Variants in RSAD2 observed in about 807,000 individuals in gnomAD.
The protein encoded by RSAD2 is S-adenosylmethionine-dependent nucleotide dehydratase RSAD2.
A neutral mutation model predicts 37.7 loss-of-function variants in RSAD2; 38 were observed. The observed-to-expected ratio is 1.01, with a 90% CI of 0.78 to 1.32. RSAD2 has a LOEUF of 1.32. Among genes scored for constraint, RSAD2 ranks in the 40% most tolerant of loss-of-function variants. RSAD2 has a pLI of 0.00. For missense variants in RSAD2, 428 were observed against 437.5 expected, an observed-to-expected ratio of 0.98 and a Z score of 0.19; for synonymous variants, 163 against 157.4, an observed-to-expected ratio of 1.04 and a Z score of -0.27.
At chr2:6,884,106 T>C (rs996325882) in intron 2 of RSAD2, among the ~76,000 whole-genome samples, 1 of 152,264 alleles carries the variant, frequency 6.6e-6, no homozygotes, top group Non-Finnish European at 1.5e-5. Context: ...TTATATGGAC[T>C]GTCATGTTGG....
chr2:6,889,946 T>C (rs1040482091), intron 3 of RSAD2, among the ~76,000 whole-genome samples: 4 of 152,236 alleles, frequency 2.6e-5, no homozygotes, highest in Admixed American at 1.3e-4. Context: ...AAACATAATC[T>C]AGACAAGTTT....
intron 1 of RSAD2, chr2:6,878,908 CA>C: frequency 9.4e-7 from 1 of 1,061,396 alleles, no homozygotes; most frequent in South Asian, 1.3e-5. Context: ...ATACATGCAC[CA>C]GATTACACAT....
chr2:6,898,080 A>G lies in RSAD2; in HGVS notation c.*2138A>G, dbSNP rs1382051710. On this transcript the variant is annotated 3_prime_UTR_variant, in exon 6 of 6. Transcript: ENST00000382040. ...CCAAGGACACTGTTTGATATACAGC[A>G]GGTATTCAATCAGTGTTATTTGAAA... 2 of 151,964 alleles carry G rather than the reference A, an allele frequency of 1.3e-5. No homozygotes were observed. The highest frequency in any genetic ancestry group is 4.8e-5 in the African/African-American group (2 of 41,372). 9.4% of individuals were successfully genotyped at this position (151,964 alleles called of 1,614,324 possible). A position where few individuals can be genotyped will look rare whatever the true frequency, so the allele number is the denominator to read the frequency against.
intron 1 of RSAD2, 74 bp downstream of exon 1, chr2:6,878,220 G>A: frequency 7.8e-7 from 1 of 1,274,802 alleles, no homozygotes; most frequent in Non-Finnish European, 1.1e-6. Context: ...AAGGGGCTGG[G>A]GGTATGCACA....
chr2:6,889,607 C>G (rs1008946713), intron 3 of RSAD2, among the ~76,000 whole-genome samples: 2 of 152,114 alleles, frequency 1.3e-5, no homozygotes, highest in Admixed American at 6.6e-5. Context: ...CTTGCCTTTT[C>G]TAGGACTGAC....
At chr2:6,878,210 A>T (rs2103239556) in intron 1 of RSAD2, 64 bp downstream of exon 1, 1 of 1,409,118 alleles carries the variant, frequency 7.1e-7, no homozygotes, top group South Asian at 1.3e-5. Context: ...GTAAGGCGAG[A>T]AGGGGCTGGG....
chr2:6,878,884 A>G, intron 1 of RSAD2: 1 of 1,202,708 alleles, frequency 8.3e-7, no homozygotes, highest in African/African-American at 1.6e-5. Flanking sequence ...TTAACTTTTT[A>G]ACAAAAGCAT....
At position 6,897,665 on chromosome 2, in the gene RSAD2, C is replaced by G. The variant is rs926564573; in HGVS notation, c.*1723C>G. Reference sequence around the variant, plus strand: ...TAAGCTATGATGACCTTCATATAATCAGCATAAACATAAAACAAATTTTTT... The same window carrying G: ...TAAGCTATGATGACCTTCATATAATGAGCATAAACATAAAACAAATTTTTT... On this transcript the variant is annotated 3_prime_UTR_variant, in exon 6 of 6. Transcript: ENST00000382040. 4 of 152,114 alleles carry G rather than the reference C, an allele frequency of 2.6e-5. No individual in the cohort carries two copies. Among genetic ancestry groups the G allele is most frequent in the Admixed American group, 6.6e-5 (1 of 15,266 alleles). The allele number at this position is 152,114 out of a possible 1,614,324, so 9.4% of individuals were successfully genotyped here. A position where few individuals can be genotyped will look rare whatever the true frequency, so the allele number is the denominator to read the frequency against.
At chr2:6,885,815 T>C (rs1049693717) in intron 2 of RSAD2, among the ~76,000 whole-genome samples, 4 of 152,244 alleles carry the variant, frequency 2.6e-5, no homozygotes, top group East Asian at 1.9e-4. Flanking sequence ...GATCAGGTGC[T>C]CAGTTACTTG....
chr2:6,869,198 C>T (rs1269772289), intron 1 of RSAD2, among the ~76,000 whole-genome samples: 1 of 152,154 alleles, frequency 6.6e-6, no homozygotes, highest in African/African-American at 2.4e-5. Flanking sequence ...CTTATGGCTA[C>T]CCTCTCCAGA....
upstream of RSAD2, chr2:6,877,743 C>T (rs1382150002): frequency 7.5e-7 from 1 of 1,330,234 alleles, no homozygotes; most frequent in African/African-American, 1.5e-5. Context: ...GATTTCCATC[C>T]CTATATAAAG....
chr2:6,868,495 A>G (rs1199604835), intron 1 of RSAD2, among the ~76,000 whole-genome samples: 1 of 152,236 alleles, frequency 6.6e-6, no homozygotes, highest in East Asian at 1.9e-4. Context: ...ATAAGAATTA[A>G]TAAAATGAGC....
At chr2:6,865,974 G>T in exon 1 of RSAD2, 2 of 972,692 alleles carry the variant, frequency 2.1e-6, no homozygotes, top group Non-Finnish European at 1.4e-6. Context: ...GCGGCTCCGC[G>T]GGCCTGCGCG....
upstream of RSAD2, among the ~76,000 whole-genome samples, chr2:6,873,518 CTG>C (rs1663234038): frequency 6.6e-6 from 1 of 152,104 alleles, no homozygotes; most frequent in African/African-American, 2.4e-5. Flanking sequence ...AACTAAGAGT[CTG>C]TGTTTTGCTG....
At chr2:6,888,195 A>G (rs1398038021) in intron 3 of RSAD2, among the ~76,000 whole-genome samples, 1 of 152,108 alleles carries the variant, frequency 6.6e-6, no homozygotes, top group African/African-American at 2.4e-5. Context: ...TTCCAAATAG[A>G]GTTAGGGAAG....
upstream of RSAD2, among the ~76,000 whole-genome samples, chr2:6,876,547 C>T (rs1007509587): frequency 1.3e-5 from 2 of 152,190 alleles, no homozygotes; most frequent in Non-Finnish European, 2.9e-5. Context: ...TGTGCAAGAC[C>T]ATGGCATGAG....
intron 1 of RSAD2, among the ~76,000 whole-genome samples, chr2:6,869,324 C>G (rs1282014901): frequency 6.6e-6 from 1 of 152,072 alleles, no homozygotes; most frequent in Non-Finnish European, 1.5e-5. Context: ...TGTGAATTAT[C>G]AAGCATAAAG....
At chr2:6,888,261 G>A (rs1572158960) in intron 3 of RSAD2, among the ~76,000 whole-genome samples, 1 of 152,186 alleles carries the variant, frequency 6.6e-6, no homozygotes, top group East Asian at 1.9e-4. Flanking sequence ...TGTGGAAATG[G>A]GTTAGGGGAA....
intron 1 of RSAD2, among the ~76,000 whole-genome samples, chr2:6,868,476 G>A (rs1320630969): frequency 6.6e-6 from 1 of 152,112 alleles, no homozygotes; most frequent in South Asian, 2.1e-4. Context: ...TAAATGATGA[G>A]CTCAGAAAAT....
Sources: gnomAD v4.1 joint callset for allele counts (sites outside exome capture counted in the v4.1 genomes callset) on GRCh38, gnomAD v4.1.1 for gene constraint, MANE v1.5 for transcripts, NCBI Gene and HGNC (gene_info 2026-07-23, HGNC 2026-07-21) for gene names.